Variants in ACBD6 observed in about 807,000 individuals in gnomAD.
ACBD6 encodes acyl-CoA-binding domain-containing protein 6.
A neutral mutation model predicts 37.2 loss-of-function variants in ACBD6; 28 were observed. That is an observed-to-expected ratio of 0.75 (90% CI 0.56 to 1.03). The LOEUF is 1.03. ACBD6 is among the 50% of genes least tolerant of loss of function. The pLI, the probability that ACBD6 is intolerant of heterozygous loss-of-function variation, is 0.00. For synonymous variants in ACBD6, 113 were observed against 126.8 expected (o/e 0.89, Z 0.73); for missense variants, 340 against 337.4 (o/e 1.01, Z -0.06).
At chr1:180,346,061 C>T (rs1340344889) in intron 6 of ACBD6, among the ~76,000 whole-genome samples, 2 of 152,060 alleles carry the variant, frequency 1.3e-5, no homozygotes, top group Non-Finnish European at 2.9e-5. Flanking sequence ...TCCCATTCAG[C>T]TTGAGAGATA....
intron 7 of ACBD6, among the ~76,000 whole-genome samples, chr1:180,305,986 A>T (rs1268579842): frequency 6.6e-6 from 1 of 151,878 alleles, no homozygotes; most frequent in African/African-American, 2.4e-5. Flanking sequence ...TTCGCAGCAA[A>T]CTATCGCAAG....
exon 10 of ACBD6, chr1:180,274,892 G>T: frequency 3.7e-6 from 1 of 269,008 alleles, no homozygotes; most frequent in Non-Finnish European, 7.1e-6. Flanking sequence ...TGCTTTGGTA[G>T]CACAAGGTGA....
At chr1:180,317,219 AAG>A (rs146982674) in intron 6 of ACBD6, among the ~76,000 whole-genome samples, 1,732 of 152,346 alleles carry the variant, frequency 0.011, 38 homozygotes, top group African/African-American at 0.039. Context: ...AATTTTAAAA[AAG>A]AGAGTGTGGT....
At chr1:180,272,573 A>G (rs1272079898) in intron 13 of ACBD6, 1 of 152,802 alleles carries the variant, frequency 6.5e-6, no homozygotes, top group African/African-American at 2.4e-5. Flanking sequence ...TGCAGCATGC[A>G]CTATATTCAA....
chr1:180,482,631 G>A (rs1423000179), intron 3 of ACBD6, among the ~76,000 whole-genome samples: 3 of 151,982 alleles, frequency 2.0e-5, no homozygotes, highest in Non-Finnish European at 4.4e-5. Flanking sequence ...TCCCTCTGGT[G>A]GTCACTAAAG....
intron 7 of ACBD6, among the ~76,000 whole-genome samples, chr1:180,305,945 G>C (rs180766004): frequency 1.5e-3 from 233 of 152,196 alleles, no homozygotes; most frequent in African/African-American, 5.4e-3. Context: ...CATGTCCTTT[G>C]TAGTGACATG....
chr1:180,374,308 T>C (rs1450315490), intron 6 of ACBD6, among the ~76,000 whole-genome samples: 2 of 152,188 alleles, frequency 1.3e-5, no homozygotes, highest in East Asian at 1.9e-4. Flanking sequence ...TGTAAAACTT[T>C]CACTCATTTT....
chr1:180,423,099 G>T (rs1021695081), intron 4 of ACBD6, among the ~76,000 whole-genome samples: 4 of 152,050 alleles, frequency 2.6e-5, no homozygotes, highest in Admixed American at 6.5e-5. Flanking sequence ...AAATGGACTA[G>T]TATCTACATA....
At chr1:180,297,073 G>C (rs1331196400) in intron 7 of ACBD6, among the ~76,000 whole-genome samples, 2 of 152,078 alleles carry the variant, frequency 1.3e-5, no homozygotes, top group East Asian at 3.9e-4. Flanking sequence ...GAACTCCCCA[G>C]GGGTTTGTTT....
intron 3 of ACBD6, among the ~76,000 whole-genome samples, chr1:180,446,847 C>T (rs550228424): frequency 6.6e-6 from 1 of 152,224 alleles, no homozygotes; most frequent in African/African-American, 2.4e-5. Flanking sequence ...TTGAGACCAG[C>T]CTGGCCAACA....
chr1:180,302,815 T>G (rs1465384128), intron 7 of ACBD6, among the ~76,000 whole-genome samples: 1 of 148,876 alleles, frequency 6.7e-6, no homozygotes, highest in African/African-American at 2.5e-5. Context: ...CCTCTCAGCA[T>G]CCCACTGCAC....
intron 7 of ACBD6, among the ~76,000 whole-genome samples, chr1:180,291,728 G>A (rs993231297): frequency 1.3e-5 from 2 of 150,518 alleles, no homozygotes; most frequent in Non-Finnish European, 3.0e-5. Flanking sequence ...TTCTTTTATA[G>A]TTTGTGCTTG....
chr1:180,492,225 T>G, intron 3 of ACBD6, 44 bp downstream of exon 3: 1 of 1,390,654 alleles, frequency 7.2e-7, no homozygotes. Flanking sequence ...CAGAGAAGGA[T>G]CATAAGTTTT....
intron 3 of ACBD6, among the ~76,000 whole-genome samples, chr1:180,472,561 C>T (rs1052912970): frequency 2.6e-5 from 4 of 152,034 alleles, no homozygotes; most frequent in East Asian, 3.9e-4. Context: ...TCATCAATAA[C>T]GATTAAAAAA....
intron 7 of ACBD6, among the ~76,000 whole-genome samples, chr1:180,310,294 A>G (rs1335230267): frequency 6.6e-6 from 1 of 152,210 alleles, no homozygotes; most frequent in African/African-American, 2.4e-5. Context: ...CAGGAGTTCA[A>G]GGCTGCAGTG....
In ACBD6 at chr1:180,302,759, T is replaced by G. The variant is rs113196568; in HGVS notation, c.694+11933A>C. ...TCAGCTCTGCACCAAGAGGACCTAA[T>G]AGACATCTACAGAACTCTCCACCCC... is the stretch of plus-strand genomic sequence containing the variant. On this transcript the variant is annotated intron_variant, in intron 7 of 7. Transcript: ENST00000367595. 0.025 allele frequency among the ~76,000 whole-genome samples: 3,683 copies of G among 150,152 alleles called. 343 individuals are homozygous for G. In the East Asian group the frequency reaches 0.29, roughly 12 times the overall value.
intron 3 of ACBD6, among the ~76,000 whole-genome samples, chr1:180,474,837 A>G (rs967544099): frequency 4.6e-5 from 7 of 152,268 alleles, no homozygotes; most frequent in Admixed American, 1.3e-4. Flanking sequence ...ATCCAAATCA[A>G]CAGACTTTCA....
At chr1:180,435,064 C>T (rs528576771) in intron 3 of ACBD6, 13 of 827,700 alleles carry the variant, frequency 1.6e-5, no homozygotes, top group Admixed American at 1.0e-4. Context: ...GGTCAGCTTG[C>T]ACATGATCTG....
chr1:180,502,104 C>T lies in ACBD6; in HGVS notation c.163G>A (p.Gly55Ser). The T allele has an allele frequency of 1.9e-6, 3 of 1,613,928 alleles. No homozygotes were observed. Among genetic ancestry groups the T allele is most frequent in the Middle Eastern group, 1.6e-4 (1 of 6,062 alleles). ...TCCCTGCTGGCCACCTGAATCAGGC[C>T]TTGCAGGTGCGCGGCAGCCTTCTCA... ...LFEKAAAHLQ[G>S]LIQVASREQL... is the part of the protein sequence containing the mutation. The change falls in exon 1 of 8, where the codon GGC (glycine) becomes AGC (serine). Residue 55 changes from glycine to serine, a missense_variant. Gly to Ser is a moderately conservative substitution (Grantham distance 56, BLOSUM62 0). Transcript: ENST00000367595.
Sources: gnomAD v4.1 joint callset for allele counts (sites outside exome capture counted in the v4.1 genomes callset) on GRCh38, gnomAD v4.1.1 for gene constraint, MANE v1.5 for transcripts, NCBI Gene and HGNC (gene_info 2026-07-23, HGNC 2026-07-21) for gene names.